The following FANCD2OS variants were observed in gnomAD, a reference collection of about 807,000 sequenced individuals.
FANCD2OS encodes the protein FANCD2 opposite strand protein.
A neutral mutation model predicts 13.2 loss-of-function variants in FANCD2OS; 11 were observed. The observed-to-expected ratio is 0.83, with a 90% CI of 0.52 to 1.38. The LOEUF (loss-of-function observed/expected upper bound fraction) is 1.38, where lower values mean the gene tolerates loss of function less well. Among genes scored for constraint, FANCD2OS ranks in the 40% most tolerant of loss-of-function variants. The pLI, the probability that FANCD2OS is intolerant of heterozygous loss-of-function variation, is 0.00. For synonymous variants in FANCD2OS, 69 were observed against 84.5 expected, an observed-to-expected ratio of 0.82 and a Z score of 1.01; for missense variants, 217 against 213.9, an observed-to-expected ratio of 1.01 and a Z score of -0.09.
chr3:10,102,901 T>A, downstream of FANCD2OS: 1 of 186,728 alleles, frequency 5.4e-6, no homozygotes, highest in South Asian at 7.5e-5. Flanking sequence ...ATCAAACTCA[T>A]GTTAACTTTG....
chr3:10,090,224 TG>T, intron 2 of FANCD2OS: 1 of 1,203,682 alleles, frequency 8.3e-7, no homozygotes, highest in South Asian at 1.2e-5. Context: ...TTTTGGTTCC[TG>T]GTTCTTCCCA....
At chr3:10,095,406 A>G in intron 2 of FANCD2OS, 1 of 765,100 alleles carries the variant, frequency 1.3e-6, no homozygotes, top group Non-Finnish European at 2.3e-6. Flanking sequence ...CAGTTTATTC[A>G]GAGCAAATCC....
At chr3:10,100,993 C>T (rs376378807), downstream of FANCD2OS, among the ~76,000 whole-genome samples, 23 of 152,020 alleles carry the variant, frequency 1.5e-4, no homozygotes, top group East Asian at 9.7e-4. Flanking sequence ...CGCTTGAACC[C>T]GGGAGGCAGA....
chr3:10,098,598 T>C (rs1575876891), downstream of FANCD2OS: 9 of 1,194,378 alleles, frequency 7.5e-6, no homozygotes. Context: ...GGTATCCATG[T>C]TTGCTGTGTT....
chr3:10,090,508 G>T, intron 2 of FANCD2OS: 1 of 629,086 alleles, frequency 1.6e-6, no homozygotes, highest in South Asian at 1.7e-5. Flanking sequence ...TGCCCAGACT[G>T]GAGTGCAGTG....
At chr3:10,099,773 G>A (rs1028455159), downstream of FANCD2OS, 2 of 152,108 alleles carry the variant, frequency 1.3e-5, no homozygotes, top group Non-Finnish European at 2.9e-5. Context: ...CAACAAAAAA[G>A]TGTACATTTA....
exon 3 of FANCD2OS, chr3:10,081,411 A>G: frequency 6.2e-7 from 1 of 1,614,100 alleles, no homozygotes; most frequent in Non-Finnish European, 8.5e-7. Flanking sequence ...AGTACCACAT[A>G]ATGTCTTCCT....
At chr3:10,103,702 G>T (rs77943721), downstream of FANCD2OS, among the ~76,000 whole-genome samples, 569 of 152,302 alleles carry the variant, frequency 3.7e-3, 12 homozygotes, top group South Asian at 0.04. Context: ...TTCTTGCCAG[G>T]CTGTAAGTAT....
At chr3:10,093,244 A>G in intron 2 of FANCD2OS, 2 of 1,556,332 alleles carry the variant, frequency 1.3e-6, no homozygotes, top group Non-Finnish European at 1.8e-6. Context: ...TGCTCAAAGG[A>G]GCAGATCTCA....
chr3:10,092,344 C>T lies in FANCD2OS; in HGVS notation c.*44-10813G>A, dbSNP rs1279862316. The T allele has an allele frequency of 5.0e-5, 48 of 962,198 alleles. No homozygotes were observed. In the Admixed American group the frequency reaches 8.1e-4, roughly 16 times the overall value. 59.6% of individuals were successfully genotyped at this position (962,198 alleles called of 1,614,324 possible). A position where few individuals can be genotyped will look rare whatever the true frequency, so the allele number is the denominator to read the frequency against. ...AAATGGACTTTCCTTGCTCCTCTTC[C>T]CACTCTTCCTTGGGGCCTGCTCTCC... On this transcript the variant is annotated intron_variant, in intron 2 of 2. Transcript: ENST00000524279.
chr3:10,085,835 A>G lies in FANCD2OS; in HGVS notation c.*44-4304T>C, dbSNP rs1180577651. The G allele has an allele frequency of 9.9e-6, 16 of 1,613,468 alleles. No homozygotes were observed. The highest frequency in any genetic ancestry group is 1.3e-5 in the Non-Finnish European group (15 of 1,179,560). ...AGGAGTGGATTTTCTCAACCTGAAA[A>G]TCAGAATTTACTGTATTCAGCCCTC... On this transcript the variant is annotated intron_variant, in intron 2 of 2. Transcript: ENST00000524279.
intron 2 of FANCD2OS, among the ~76,000 whole-genome samples, chr3:10,092,710 T>C (rs1201130454): frequency 9.1e-6 from 1 of 110,378 alleles, no homozygotes; most frequent in East Asian, 2.2e-4. Context: ...TTTTTTTTTT[T>C]GAGGCAGGGT....
chr3:10,107,624 G>T (rs1052029965), intron 1 of FANCD2OS, among the ~76,000 whole-genome samples: 2 of 151,802 alleles, frequency 1.3e-5, no homozygotes, highest in East Asian at 2.0e-4. Flanking sequence ...CTAAGAGGAA[G>T]TAGAGGTAGA....
chr3:10,102,858 AAAG>A, downstream of FANCD2OS: 1 of 185,658 alleles, frequency 5.4e-6, no homozygotes, highest in South Asian at 8.0e-5. Flanking sequence ...AAAAAAAAAA[AAAG>A]ACCAAAATAA....
At chr3:10,098,023 GT>G (rs1276556737), downstream of FANCD2OS, among the ~76,000 whole-genome samples, 1 of 152,064 alleles carries the variant, frequency 6.6e-6, no homozygotes, top group Non-Finnish European at 1.5e-5. Context: ...GAAATCTTGT[GT>G]TGTTTATAAT....
At chr3:10,102,178 C>CT (rs1695328577), downstream of FANCD2OS, among the ~76,000 whole-genome samples, 2 of 142,724 alleles carry the variant, frequency 1.4e-5, no homozygotes, top group Admixed American at 1.4e-4. Flanking sequence ...GAGTCTCACT[C>CT]TATCGCTCAG....
intron 2 of FANCD2OS, among the ~76,000 whole-genome samples, chr3:10,089,847 G>A (rs1231740353): frequency 6.6e-6 from 1 of 152,140 alleles, no homozygotes; most frequent in Non-Finnish European, 1.5e-5. Context: ...AATATCAATA[G>A]TTATCTTAAC....
intron 2 of FANCD2OS, among the ~76,000 whole-genome samples, chr3:10,089,383 T>C (rs190785362): frequency 4.6e-5 from 7 of 152,314 alleles, no homozygotes; most frequent in Admixed American, 4.6e-4. Context: ...ACAGTAGATA[T>C]AATCATTCAT....
chr3:10,096,551 AC>A, intron 2 of FANCD2OS: 1 of 1,363,308 alleles, frequency 7.3e-7, no homozygotes, highest in Non-Finnish European at 1.0e-6. Flanking sequence ...AAGGAAGGTC[AC>A]CTAAGCCCTC....
Sources: allele counts gnomAD v4.1 joint callset (sites outside exome capture counted in the v4.1 genomes callset), GRCh38; gene constraint gnomAD v4.1.1; transcripts MANE v1.5; gene names NCBI Gene and HGNC (gene_info 2026-07-23, HGNC 2026-07-21).